Variants in SSH2 observed in about 807,000 individuals in gnomAD.
SSH2 encodes protein phosphatase Slingshot homolog 2.
A neutral mutation model predicts 135.2 loss-of-function variants in SSH2; 37 were observed. The ratio of observed to expected loss-of-function variants is 0.27; its 90% CI spans 0.21 to 0.36. The LOEUF is 0.36. Among genes scored for constraint, SSH2 ranks in the 10% least tolerant of loss-of-function variants. The pLI, the probability that SSH2 is intolerant of heterozygous loss-of-function variation, is 1.00. For synonymous variants in SSH2, 628 were observed against 646.2 expected, an observed-to-expected ratio of 0.97 and a Z score of 0.43; for missense variants, 1,408 against 1,765.3, an observed-to-expected ratio of 0.80 and a Z score of 3.63.
chr17:29,885,348 T>TAAAAAAAAAAA (rs72403205), intron 1 of SSH2, among the ~76,000 whole-genome samples: 1 of 127,114 alleles, frequency 7.9e-6, no homozygotes, highest in Non-Finnish European at 1.6e-5. Flanking sequence ...TATTGTATCA[T>TAAAAAAAAAAA]AAAAAAAAAA....
chr17:29,806,889 G>A (rs1181753892), intron 2 of SSH2, among the ~76,000 whole-genome samples: 1 of 152,170 alleles, frequency 6.6e-6, no homozygotes, highest in African/African-American at 2.4e-5. Flanking sequence ...TGTCCTACCA[G>A]CTATACCAAT....
At chr17:29,826,621 G>A (rs943655673) in intron 2 of SSH2, among the ~76,000 whole-genome samples, 5 of 152,152 alleles carry the variant, frequency 3.3e-5, no homozygotes, top group African/African-American at 1.2e-4. Context: ...TTCTTAGGTA[G>A]ACTGTCTCTG....
intron 2 of SSH2, among the ~76,000 whole-genome samples, chr17:29,798,304 G>A (rs1162471586): frequency 5.3e-5 from 8 of 151,846 alleles, no homozygotes; most frequent in East Asian, 1.9e-4. Flanking sequence ...GATTACAGGC[G>A]TGTACCACCG....
In SSH2 at chr17:29,631,713, G is replaced by T; in HGVS notation, c.3481C>A (p.Pro1161Thr). ...LLSASLDYLH[P>T]QTMVHLEGFT... is the part of the protein sequence containing the mutation. ...CCCTCCAGGTGAACCATAGTCTGGG[G>T]ATGCAGGTAATCCAAACTGGCAGAC... The change falls in exon 16 of 16, where the codon CCC becomes ACC. Residue 1161 changes from proline to threonine, a missense_variant. Pro to Thr is a conservative substitution (Grantham distance 38). This residue lies in a region of SSH2 where 1,080 missense variants were observed against 1,144.5 expected (regional missense o/e 0.94). Transcript: ENST00000540801. 1 of 1,614,188 alleles carries T rather than the reference G, an allele frequency of 6.2e-7. No homozygotes were observed. The highest frequency in any genetic ancestry group is 1.1e-5 in the South Asian group (1 of 91,082).
At chr17:29,901,865 C>G (rs764115392) in intron 1 of SSH2, among the ~76,000 whole-genome samples, 44 of 152,088 alleles carry the variant, frequency 2.9e-4, no homozygotes, top group Non-Finnish European at 4.7e-4. Flanking sequence ...CTCAATGCAG[C>G]TTTGAACTCC....
Position 29,663,067 on chromosome 17 carries a change from T to C in SSH2, c.1032+3800A>G, listed in dbSNP as rs540681310. Among the ~76,000 whole-genome samples the C allele has an allele frequency of 2.0e-5, 3 of 152,286 alleles. No individual in the cohort carries two copies. In the East Asian group the frequency reaches 5.8e-4, roughly 29 times the overall value. On this transcript the variant is annotated intron_variant, in intron 11 of 15. Coordinates refer to ENST00000540801, the MANE Select transcript of SSH2 (RefSeq NM_001282129.2). ...CAGAGAAGTGATATGCTTGTAAGGG[T>C]GTAGAATCTCTTTTTCTAGAAACAC...
intron 1 of SSH2, among the ~76,000 whole-genome samples, chr17:29,896,341 T>C (rs1159850964): frequency 6.5e-5 from 8 of 123,446 alleles, no homozygotes; most frequent in African/African-American, 2.4e-4. Flanking sequence ...ATAAAATGTA[T>C]TTTATATACA....
At chr17:29,746,668 G>A (rs1672166118) in intron 3 of SSH2, among the ~76,000 whole-genome samples, 1 of 151,710 alleles carries the variant, frequency 6.6e-6, no homozygotes, top group Non-Finnish European at 1.5e-5. Context: ...TAACTTAAAA[G>A]GGACGTGGGT....
At chr17:29,731,235 A>G (rs1287268643) in intron 3 of SSH2, among the ~76,000 whole-genome samples, 1 of 152,156 alleles carries the variant, frequency 6.6e-6, no homozygotes, top group African/African-American at 2.4e-5. Context: ...GAATTATATA[A>G]TATGTGGTGA....
chr17:29,839,448 A>G (rs1182383890), intron 2 of SSH2, among the ~76,000 whole-genome samples: 1 of 152,204 alleles, frequency 6.6e-6, no homozygotes, highest in Non-Finnish European at 1.5e-5. Context: ...GAAATAGGAA[A>G]CTTGATTATT....
At chr17:29,838,174 T>C (rs2042976793) in intron 2 of SSH2, among the ~76,000 whole-genome samples, 2 of 152,256 alleles carry the variant, frequency 1.3e-5, no homozygotes, top group South Asian at 2.1e-4. Flanking sequence ...AAGCTGAGCC[T>C]GGGCACTGGT....
chr17:29,750,406 TCCAGCATGGGCAAC>T (rs2040893395), intron 3 of SSH2, among the ~76,000 whole-genome samples: 1 of 145,400 alleles, frequency 6.9e-6, no homozygotes, highest in South Asian at 2.2e-4. Flanking sequence ...GCTACTGCAC[TCCAGCATGGGCAAC>T]TGAGTGAGAC....
intron 3 of SSH2, among the ~76,000 whole-genome samples, chr17:29,761,806 T>C (rs1441112666): frequency 6.6e-6 from 1 of 151,846 alleles, no homozygotes; most frequent in African/African-American, 2.4e-5. Flanking sequence ...AGACTTCCTA[T>C]GTGATTTGGA....
rs187932821 is a variant in SSH2, at chr17:29,886,675, C to T, written c.64-37746G>A. On this transcript the variant is annotated intron_variant, in intron 1 of 15. Transcript: ENST00000540801. ...GACAGGAGAATTGCTTGAACCCAGG[C>T]GGTGGAGGTTGCAGTGAGCCAAGAT... Among the ~76,000 whole-genome samples the T allele has an allele frequency of 1.1e-3, 163 of 145,606 alleles. 2 individuals carry two copies. Among genetic ancestry groups the T allele is most frequent in the Middle Eastern group, 0.011 (3 of 278 alleles).
chr17:29,751,807 C>T (rs1307463669), intron 3 of SSH2, among the ~76,000 whole-genome samples: 1 of 151,954 alleles, frequency 6.6e-6, no homozygotes, highest in Non-Finnish European at 1.5e-5. Flanking sequence ...TCAATAAAAT[C>T]AAGTAAAAAC....
intron 2 of SSH2, among the ~76,000 whole-genome samples, chr17:29,821,234 AT>A (rs2042645574): frequency 6.6e-6 from 1 of 152,120 alleles, no homozygotes; most frequent in South Asian, 2.1e-4. Context: ...TATAAATTAC[AT>A]GCATTCACAT....
At chr17:29,849,962 G>A (rs2065523905) in intron 1 of SSH2, among the ~76,000 whole-genome samples, 2 of 146,564 alleles carry the variant, frequency 1.4e-5, no homozygotes. Flanking sequence ...CCCAGGGGGC[G>A]GAGGTTTCAG....
At chr17:29,677,859 G>A in intron 6 of SSH2, 118 bp from the exon 7 acceptor site, 1 of 744,986 alleles carries the variant, frequency 1.3e-6, no homozygotes, top group Non-Finnish European at 2.3e-6. Context: ...TGGCATAAGT[G>A]TTACAATGAA....
At chr17:29,771,970 A>C (rs2041595508) in intron 3 of SSH2, among the ~76,000 whole-genome samples, 1 of 152,210 alleles carries the variant, frequency 6.6e-6, no homozygotes, top group South Asian at 2.1e-4. Context: ...AATTTACCAC[A>C]ACATTGGAAG....
Sources: allele counts gnomAD v4.1 joint callset (sites outside exome capture counted in the v4.1 genomes callset), GRCh38; gene constraint gnomAD v4.1.1; regional missense constraint gnomAD v4.1.1; transcripts MANE v1.5; gene names NCBI Gene and HGNC (gene_info 2026-07-23, HGNC 2026-07-21).